CPLANE1: variants seen among roughly 807,000 people sequenced by gnomAD.
The protein encoded by CPLANE1 is ciliogenesis and planar polarity effector complex subunit 1.
In CPLANE1, 263 loss-of-function variants were observed where a neutral mutation model predicts 362.5. The ratio of observed to expected loss-of-function variants is 0.73; its 90% confidence interval spans 0.66 to 0.80. The LOEUF is 0.80. Ranked by LOEUF, CPLANE1 falls within the 30% of genes least tolerant of loss-of-function variation. The pLI is 0.00. For synonymous variants in CPLANE1, 1,212 were observed against 1,302.6 expected (o/e 0.93, Z 1.50); for missense variants, 3,461 against 3,793.4 (o/e 0.91, Z 2.30).
chr5:37,122,605 C>T, intron 47 of CPLANE1, 117 bp from the exon 48 acceptor site: 1 of 748,650 alleles, frequency 1.3e-6, no homozygotes, highest in Non-Finnish European at 2.2e-6. Flanking sequence ...ATGAAGCTTC[C>T]TACTCTAGCA....
chr5:37,217,473 G>A (rs939792513), intron 15 of CPLANE1, among the ~76,000 whole-genome samples: 2 of 151,752 alleles, frequency 1.3e-5, no homozygotes, highest in African/African-American at 4.8e-5. Flanking sequence ...TGGGCATGGT[G>A]GTGCACGCTT....
chr5:37,134,739 A>C (rs1472584695), intron 46 of CPLANE1, among the ~76,000 whole-genome samples: 1 of 149,542 alleles, frequency 6.7e-6, no homozygotes, highest in Non-Finnish European at 1.5e-5. Context: ...TTAGATTACT[A>C]ATGTGAAATC....
At chr5:37,129,474 G>A (rs1342620655) in intron 46 of CPLANE1, among the ~76,000 whole-genome samples, 1 of 152,122 alleles carries the variant, frequency 6.6e-6, no homozygotes, top group Non-Finnish European at 1.5e-5. Context: ...AACCCAGAGT[G>A]AGAGAAAATC....
chr5:37,238,357 T>C (rs943955605), intron 8 of CPLANE1, among the ~76,000 whole-genome samples: 1 of 151,694 alleles, frequency 6.6e-6, no homozygotes, highest in Non-Finnish European at 1.5e-5. Context: ...TTTTTGTATT[T>C]TTTTTAGTAG....
intron 8 of CPLANE1, among the ~76,000 whole-genome samples, chr5:37,231,293 T>C (rs1209530194): frequency 6.6e-6 from 1 of 151,958 alleles, no homozygotes; most frequent in Non-Finnish European, 1.5e-5. Context: ...AAAACGAAAA[T>C]ATTCGGCCAG....
rs1334791522 is a variant in CPLANE1 at position 37,106,745 on chromosome 5, T to G, written c.*857A>C. 1 of 701,268 alleles carries G rather than the reference T, an allele frequency of 1.4e-6. No individual in the cohort carries two copies. The highest frequency in any genetic ancestry group is 1.9e-5 in the African/African-American group (1 of 51,574). 43.4% of individuals were successfully genotyped at this position (701,268 alleles called of 1,614,324 possible). ...AAACCTGGCTTCACACAGGTAGATATTTGGAAAAAGAGGGGTATTTAATAG... is the reference window on the plus strand; with the variant it reads ...AAACCTGGCTTCACACAGGTAGATAGTTGGAAAAAGAGGGGTATTTAATAG... On this transcript the variant is annotated 3_prime_UTR_variant, in exon 53 of 53. Transcript: ENST00000651892.
rs776153982 is a variant in CPLANE1, at chr5:37,165,652, T to C, written c.7420A>G (p.Lys2474Glu). The C allele has an allele frequency of 2.5e-6, 4 of 1,608,970 alleles. No individual in the cohort carries two copies. In the East Asian group the frequency reaches 8.9e-5, roughly 36 times the overall value. Residue 2474 changes from lysine to glutamate, a missense_variant, in exon 36 of 53, where the codon AAA becomes GAA. Lys to Glu is a moderately conservative substitution (Grantham distance 56). Coordinates refer to ENST00000651892, the MANE Select transcript of CPLANE1 (RefSeq NM_001384732.1). Reference sequence around the variant, plus strand: ...TCACATCTTTTTTCTTGCAGCTCTTTCTCAGCTCTTCTTCTTTGCCTGTTA... The same window carrying C: ...TCACATCTTTTTTCTTGCAGCTCTTCCTCAGCTCTTCTTCTTTGCCTGTTA... ...SKKRQRRRAEKELQEKRCEKL... is the reference protein window; with the variant it reads ...SKKRQRRRAEEELQEKRCEKL...
chr5:37,185,390 ATTATAT>A (rs1783713121), intron 24 of CPLANE1, among the ~76,000 whole-genome samples: 2 of 152,138 alleles, frequency 1.3e-5, no homozygotes, highest in African/African-American at 4.8e-5. Flanking sequence ...CAGAAGGATA[ATTATAT>A]TTAATAAAAA....
chr5:37,237,419 T>C (rs907690224), intron 8 of CPLANE1, among the ~76,000 whole-genome samples: 3 of 151,940 alleles, frequency 2.0e-5, no homozygotes, highest in African/African-American at 7.3e-5. Flanking sequence ...ACATACAGAG[T>C]GGAATAATAG....
chr5:37,162,418 T>C (rs770947998), intron 38 of CPLANE1, 47 bp downstream of exon 38: 4 of 1,177,758 alleles, frequency 3.4e-6, no homozygotes, highest in African/African-American at 1.5e-5. Context: ...GATAACTTAA[T>C]TGTATCAAAA....
chr5:37,117,936 A>C (rs1452733333), intron 50 of CPLANE1, among the ~76,000 whole-genome samples: 1 of 152,248 alleles, frequency 6.6e-6, no homozygotes. Context: ...AGATGTTAAG[A>C]AACCATGGCT....
the CPLANE1 span, among the ~76,000 whole-genome samples, chr5:37,080,276 TA>T: frequency 2.0e-5 from 3 of 152,172 alleles, no homozygotes; most frequent in Non-Finnish European, 4.4e-5. Flanking sequence ...GCTGTCTGCT[TA>T]AGGACATTAC....
At chr5:37,178,392 G>A (rs1781777579) in intron 29 of CPLANE1, among the ~76,000 whole-genome samples, 1 of 151,530 alleles carries the variant, frequency 6.6e-6, no homozygotes, top group South Asian at 2.1e-4. Flanking sequence ...GAGGCTAGGA[G>A]TTCAAGACCA....
chr5:37,203,539 G>A (rs571687913), intron 18 of CPLANE1, among the ~76,000 whole-genome samples: 1 of 152,152 alleles, frequency 6.6e-6, no homozygotes, highest in Non-Finnish European at 1.5e-5. Flanking sequence ...TTGAGACAAG[G>A]ATCTCACTCT....
rs984208088 is a variant in CPLANE1 at position 37,173,892 on chromosome 5, T to C, written c.6034A>G (p.Asn2012Asp). Reference protein sequence around the residue: ...KSSSVPLLISNGVNVASQPPA... With the variant: ...KSSSVPLLISDGVNVASQPPA... ...GGTTGTGAAGCAACATTGACTCCATTTGATATCAGAAGTGGAACTGAGGAA... is the reference window on the plus strand; with the variant it reads ...GGTTGTGAAGCAACATTGACTCCATCTGATATCAGAAGTGGAACTGAGGAA... The change falls in exon 32 of 53, where the codon AAT becomes GAT. Residue 2012 changes from asparagine to aspartate, a missense_variant. By Grantham distance (23) the Asn-to-Asp change is conservative. Transcript: ENST00000651892. 9 of 1,614,060 alleles carry C rather than the reference T, an allele frequency of 5.6e-6. No individual in the cohort carries two copies. The highest frequency in any genetic ancestry group is 2.7e-5 in the African/African-American group (2 of 74,924).
chr5:37,180,639 G>A (rs1271025113), intron 27 of CPLANE1, among the ~76,000 whole-genome samples: 4 of 152,164 alleles, frequency 2.6e-5, no homozygotes, highest in African/African-American at 7.2e-5. Context: ...CCCTCAGGAT[G>A]AATTAATTGC....
rs1197590494 is a variant in CPLANE1 at position 37,205,426 on chromosome 5, G to A, written c.3178C>T (p.Leu1060Phe). Residue 1060 changes from leucine (L) to phenylalanine (F), a missense_variant, in exon 18 of 53, where the codon CTC becomes TTC. Leu to Phe is a conservative substitution (Grantham distance 22). This residue lies in a region of CPLANE1 where 3,380 missense variants were observed against 3,666.1 expected (regional missense o/e 0.92). Coordinates refer to ENST00000651892, the MANE Select transcript of CPLANE1 (RefSeq NM_001384732.1). The stretch of plus-strand genomic sequence containing the variant: ...AAAATCTGTGCTGGAGTCATACGGA[G>A]TGGTAGATTCAGACTCTTTTTCTTG... ...RSKKKSLNLP[L>F]RMTPAQIFQE... The A allele has an allele frequency of 3.9e-6, 6 of 1,546,908 alleles. No individual in the cohort carries two copies. In the Admixed American group the frequency reaches 1.2e-4, roughly 31 times the overall value.
At chr5:37,210,776 C>A (rs891671058) in intron 16 of CPLANE1, 10 of 1,353,084 alleles carry the variant, frequency 7.4e-6, no homozygotes, top group African/African-American at 2.9e-5. Flanking sequence ...TCCTAAACCG[C>A]CTAGCTCAGC....
At chr5:37,156,525 A>G (rs1024107335) in intron 41 of CPLANE1, among the ~76,000 whole-genome samples, 3 of 152,126 alleles carry the variant, frequency 2.0e-5, no homozygotes, top group African/African-American at 7.2e-5. Context: ...GGATCCCTTG[A>G]GCCCAGGAGT....
Sources: allele counts gnomAD v4.1 joint callset (sites outside exome capture counted in the v4.1 genomes callset), GRCh38; gene constraint gnomAD v4.1.1; regional missense constraint gnomAD v4.1.1; transcripts MANE v1.5; gene names NCBI Gene and HGNC (gene_info 2026-07-23, HGNC 2026-07-21).